Variants in RHD observed in about 807,000 individuals in gnomAD.
RHD encodes blood group Rh(D) polypeptide.
In RHD, 16 loss-of-function variants were observed where a neutral mutation model predicts 45.5. The ratio of observed to expected loss-of-function variants is 0.35; its 90% CI spans 0.24 to 0.53. The LOEUF is 0.53. Among genes scored for constraint, RHD ranks in the 20% least tolerant of loss-of-function variants. The pLI, the probability that RHD is intolerant of heterozygous loss-of-function variation, is 0.92. For missense variants in RHD, 306 were observed against 532.0 expected, an observed-to-expected ratio of 0.58 and a Z score of 4.18; for synonymous variants, 131 against 217.5, an observed-to-expected ratio of 0.60 and a Z score of 3.50.
rs1643611810 is a variant in RHD, at chr1:25,304,148, C to T, written c.939+689C>T. Among the ~76,000 whole-genome samples the T allele has an allele frequency of 2.4e-5, 2 of 81,724 alleles. 1 individual carries two copies. Among genetic ancestry groups the T allele is most frequent in the Non-Finnish European group, 5.9e-5 (2 of 34,018 alleles). The allele number at this position is 81,724 out of a possible 152,430, so 53.6% of individuals were successfully genotyped here. A position where few individuals can be genotyped will look rare whatever the true frequency, so the allele number is the denominator to read the frequency against. On this transcript the variant is annotated intron_variant, in intron 6 of 9. Coordinates refer to ENST00000328664, the MANE Select transcript of RHD (RefSeq NM_016124.6). ...AATACTCAGCAAATCCTGATCGTTCCAGAATACTTCATTATAGCCAATTGG... is the reference window on the plus strand; with the variant it reads ...AATACTCAGCAAATCCTGATCGTTCTAGAATACTTCATTATAGCCAATTGG...
At chr1:25,308,552 G>T (rs1291985857) in intron 7 of RHD, among the ~76,000 whole-genome samples, 1 of 132,092 alleles carries the variant, frequency 7.6e-6, no homozygotes. Flanking sequence ...GGTAGCACTT[G>T]CAATTTCTAT....
Position 25,289,232 on chromosome 1 carries a change from T to C in RHD, c.336-1409T>C, listed in dbSNP as rs1322655078. ...GTGTGTGTGAGGCAGTCTTACTCTG[T>C]TGCCCAGGCTGGAGTGCAGTGGTGC... On this transcript the variant is annotated intron_variant, in intron 2 of 9. Transcript: ENST00000328664. 3.8e-5 allele frequency among the ~76,000 whole-genome samples: 5 copies of C among 132,786 alleles called. 1 individual carries two copies. The highest frequency in any genetic ancestry group is 1.3e-4 in the African/African-American group (5 of 38,866). 87.1% of individuals were successfully genotyped at this position (132,786 alleles called of 152,430 possible).
At chr1:25,295,919 A>G (rs1188403100) in intron 3 of RHD, among the ~76,000 whole-genome samples, 1 of 108,846 alleles carries the variant, frequency 9.2e-6, no homozygotes, top group Non-Finnish European at 2.1e-5. Context: ...CTGGATTGCA[A>G]TGTTGCAATC....
Position 25,297,880 on chromosome 1 carries a change from G to GC in RHD, c.487-3065dup, listed in dbSNP as rs201883502. 6.2e-3 allele frequency among the ~76,000 whole-genome samples: 813 copies of GC among 131,800 alleles called. 125 individuals carry two copies. The highest frequency in any genetic ancestry group is 0.02 in the African/African-American group (776 of 38,444). 86.5% of individuals were successfully genotyped at this position (131,800 alleles called of 152,430 possible). A position where few individuals can be genotyped will look rare whatever the true frequency, so the allele number is the denominator to read the frequency against. On this transcript the variant is annotated intron_variant, in intron 3 of 9. Coordinates refer to ENST00000328664, the MANE Select transcript of RHD (RefSeq NM_016124.6). Reference sequence around the variant, plus strand: ...CAAAGAACCTCCAAGGGCAGGAGGTGCTGCCAGACTCAGGAGGGCACTAGA... The same window carrying GC: ...CAAAGAACCTCCAAGGGCAGGAGGTGCCTGCCAGACTCAGGAGGGCACTAGA...
At position 25,282,429 on chromosome 1, in the gene RHD, T is replaced by C. The variant is rs1192315843; in HGVS notation, c.149-2144T>C. Among the ~76,000 whole-genome samples the C allele has an allele frequency of 1.5e-5, 2 of 130,680 alleles. 1 individual carries two copies. The highest frequency in any genetic ancestry group is 3.6e-5 in the Non-Finnish European group (2 of 55,328). The allele number at this position is 130,680 out of a possible 152,430, so 85.7% of individuals were successfully genotyped here. A position where few individuals can be genotyped will look rare whatever the true frequency, so the allele number is the denominator to read the frequency against. On this transcript the variant is annotated intron_variant, in intron 1 of 9. Coordinates refer to ENST00000328664, the MANE Select transcript of RHD (RefSeq NM_016124.6). Reference sequence around the variant, plus strand: ...TTTGTAATTTTAGTAGAGACGGGGTTTCACCATGTTGGCCAGGCTAGTCTC... The same window carrying C: ...TTTGTAATTTTAGTAGAGACGGGGTCTCACCATGTTGGCCAGGCTAGTCTC...
At chr1:25,285,381 G>A (rs1317875739) in intron 2 of RHD, among the ~76,000 whole-genome samples, 21 of 134,576 alleles carry the variant, frequency 1.6e-4, no homozygotes, top group African/African-American at 4.4e-4. Flanking sequence ...TGATCCGCCC[G>A]CCTCGGCCTC....
intron 7 of RHD, among the ~76,000 whole-genome samples, chr1:25,310,152 A>G (rs1458862359): frequency 7.5e-6 from 1 of 132,580 alleles, no homozygotes; most frequent in East Asian, 2.0e-4. Flanking sequence ...AGCATCAGTC[A>G]GTTTTGTCTG....
chr1:25,277,210 T>C (rs1641090573), intron 1 of RHD, among the ~76,000 whole-genome samples: 1 of 132,840 alleles, frequency 7.5e-6, no homozygotes, highest in South Asian at 2.3e-4. Context: ...GACTCAAGGC[T>C]GTATGACATC....
chr1:25,321,081 G>A (rs1644672669), intron 8 of RHD, among the ~76,000 whole-genome samples: 1 of 130,486 alleles, frequency 7.7e-6, no homozygotes, highest in South Asian at 2.3e-4. Context: ...TTAAAAAGAT[G>A]GGGAAAAGGA....
intron 1 of RHD, among the ~76,000 whole-genome samples, chr1:25,276,415 T>G (rs1640962738): frequency 9.5e-6 from 1 of 105,064 alleles, no homozygotes. Context: ...TAATAGTTAA[T>G]TAAAAAAAAA....
At chr1:25,279,483 C>G (rs528336080) in intron 1 of RHD, among the ~76,000 whole-genome samples, 2,160 of 122,892 alleles carry the variant, frequency 0.018, 343 homozygotes, top group African/African-American at 0.058. Flanking sequence ...AATGGTTAAA[C>G]CTAGGTAGGT....
chr1:25,328,853 T>C (rs1363589836), intron 9 of RHD, 45 bp from the exon 10 acceptor site: 1 of 949,468 alleles, frequency 1.1e-6, no homozygotes, highest in African/African-American at 1.9e-5. Context: ...CCAAAATCAG[T>C]ATGTGGGTTC....
rs777112373 is a variant in RHD at position 25,285,425 on chromosome 1, C to T, written c.335+666C>T. 9.6e-5 allele frequency among the ~76,000 whole-genome samples: 13 copies of T among 134,956 alleles called. 1 individual carries two copies. The highest frequency in any genetic ancestry group is 2.8e-4 in the African/African-American group (11 of 39,060). 88.5% of individuals were successfully genotyped at this position (134,956 alleles called of 152,430 possible). A position where few individuals can be genotyped will look rare whatever the true frequency, so the allele number is the denominator to read the frequency against. ...CTGGGATTACAGACATGAGCCACCGCGTCCAGCCTGAGAGACATTCTCTTG... is the reference window on the plus strand; with the variant it reads ...CTGGGATTACAGACATGAGCCACCGTGTCCAGCCTGAGAGACATTCTCTTG... On this transcript the variant is annotated intron_variant, in intron 2 of 9. Coordinates refer to ENST00000328664, the MANE Select transcript of RHD (RefSeq NM_016124.6).
intron 5 of RHD, among the ~76,000 whole-genome samples, chr1:25,302,017 T>C (rs1162066469): frequency 7.7e-6 from 1 of 130,306 alleles, no homozygotes. Flanking sequence ...CAGACTAGAC[T>C]AGAATTAGCC....
At chr1:25,318,125 C>T (rs370955452) in intron 8 of RHD, 1 of 129,954 alleles carries the variant, frequency 7.7e-6, no homozygotes, top group African/African-American at 2.6e-5. Context: ...GATTCAAGAC[C>T]AGCATGGCCA....
chr1:25,277,062 G>A (rs140117601), intron 1 of RHD, among the ~76,000 whole-genome samples: 3,774 of 131,520 alleles, frequency 0.029, 643 homozygotes, highest in African/African-American at 0.09. Context: ...GCGAGACTCC[G>A]TCTAAAAAAA....
intron 6 of RHD, among the ~76,000 whole-genome samples, chr1:25,305,738 C>G (rs1268884946): frequency 1.5e-5 from 2 of 129,060 alleles, no homozygotes; most frequent in African/African-American, 5.3e-5. Flanking sequence ...GTAGCTGGGT[C>G]TACAGGCGCC....
chr1:25,315,873 T>C (rs2124090603), intron 7 of RHD, among the ~76,000 whole-genome samples: 1 of 131,556 alleles, frequency 7.6e-6, no homozygotes, highest in South Asian at 2.3e-4. Flanking sequence ...GTAGGGACTG[T>C]CATTATTTCT....
chr1:25,282,027 C>T (rs1179094369), intron 1 of RHD, among the ~76,000 whole-genome samples: 1 of 132,088 alleles, frequency 7.6e-6, no homozygotes, highest in Non-Finnish European at 1.8e-5. Context: ...GTTCCTATTG[C>T]TGTGATTGTC....
Sources: allele counts gnomAD v4.1 joint callset (sites outside exome capture counted in the v4.1 genomes callset), GRCh38; gene constraint gnomAD v4.1.1; transcripts MANE v1.5; gene names NCBI Gene and HGNC (gene_info 2026-07-23, HGNC 2026-07-21).